Variants in USP15 observed in about 807,000 individuals in gnomAD.
USP15 encodes the protein ubiquitin carboxyl-terminal hydrolase 15.
A neutral mutation model predicts 127.1 loss-of-function variants in USP15; 18 were observed. The ratio of observed to expected loss-of-function variants is 0.14; its 90% CI spans 0.10 to 0.21. The LOEUF is 0.21. Among genes scored for constraint, USP15 ranks in the 10% least tolerant of loss-of-function variants. The pLI is 1.00. For missense variants in USP15, 805 were observed against 1,159.9 expected (o/e 0.69, Z 4.44); for synonymous variants, 364 against 393.7 (o/e 0.92, Z 0.89).
At chr12:62,297,711 G>C (rs959738802) in intron 2 of USP15, among the ~76,000 whole-genome samples, 1 of 152,168 alleles carries the variant, frequency 6.6e-6, no homozygotes, top group African/African-American at 2.4e-5. Flanking sequence ...AAAGCCAGTT[G>C]ATAAAGACTG....
At chr12:62,307,209 C>G (rs147595733) in intron 3 of USP15, among the ~76,000 whole-genome samples, 77 of 152,246 alleles carry the variant, frequency 5.1e-4, no homozygotes, top group African/African-American at 1.8e-3. Context: ...CGCCTTTGAC[C>G]TCCCAAACTC....
intron 14 of USP15, among the ~76,000 whole-genome samples, 179 bp from the exon 15 acceptor site, chr12:62,390,685 G>A (rs923801717): frequency 6.6e-6 from 1 of 151,984 alleles, no homozygotes; most frequent in African/African-American, 2.4e-5. Context: ...ATAAAGATGA[G>A]CAAAACAAAT....
At chr12:62,349,379 C>T in intron 7 of USP15, 72 bp downstream of exon 7, 1 of 1,023,736 alleles carries the variant, frequency 9.8e-7, no homozygotes, top group Non-Finnish European at 1.3e-6. Context: ...TCTCTTGTAT[C>T]TAAAATTTAG....
intron 1 of USP15, among the ~76,000 whole-genome samples, chr12:62,267,613 T>C (rs1023512580): frequency 1.3e-5 from 2 of 152,062 alleles, no homozygotes; most frequent in African/African-American, 4.8e-5. Context: ...ATTCTCCCTT[T>C]AGTTTTGAGA....
At chr12:62,357,271 A>G (rs1735746251) in intron 8 of USP15, among the ~76,000 whole-genome samples, 2 of 152,006 alleles carry the variant, frequency 1.3e-5, no homozygotes, top group African/African-American at 2.4e-5. Flanking sequence ...TCTGTTTAGT[A>G]TTGTCTGCAT....
Position 62,404,249 on chromosome 12 carries a change from C to A in USP15, c.2820C>A (p.Gly940=). The A allele has an allele frequency of 6.2e-7, 1 of 1,613,268 alleles. No individual in the cohort carries two copies. Among genetic ancestry groups the A allele is most frequent in the Non-Finnish European group, 8.5e-7 (1 of 1,179,400 alleles). The stretch of plus-strand genomic sequence containing the variant: ...GACAAGACACTTTCAGTGGAACTGG[C>A]TTTTTTCCTCTTGACCGAGAAACTA... ...YQRQDTFSGT[G]FFPLDRETKG... The change falls in exon 22 of 22, where the codon GGC becomes GGA. Residue 940 remains glycine (G), a synonymous_variant. Coordinates refer to ENST00000280377, the MANE Select transcript of USP15 (RefSeq NM_001252078.2).
At chr12:62,299,210 G>A (rs113312854) in intron 2 of USP15, among the ~76,000 whole-genome samples, 6 of 152,056 alleles carry the variant, frequency 3.9e-5, no homozygotes, top group African/African-American at 1.4e-4. Flanking sequence ...TCCCAGGTTC[G>A]AGCGATTATC....
At chr12:62,281,360 A>G (rs2063642829) in intron 1 of USP15, among the ~76,000 whole-genome samples, 1 of 152,168 alleles carries the variant, frequency 6.6e-6, no homozygotes, top group South Asian at 2.1e-4. Context: ...TTTTTGAGAC[A>G]GAATCTTGCT....
intron 6 of USP15, chr12:62,335,579 A>T (rs1244932705): frequency 9.8e-7 from 1 of 1,020,914 alleles, no homozygotes; most frequent in Non-Finnish European, 1.2e-6. Context: ...AGTGCCACAC[A>T]TATGGTAAAC....
intron 6 of USP15, among the ~76,000 whole-genome samples, chr12:62,341,086 A>C (rs1176642722): frequency 1.3e-5 from 2 of 152,190 alleles, no homozygotes; most frequent in Non-Finnish European, 2.9e-5. Flanking sequence ...TATTTAGGAT[A>C]GTTAGCTCTT....
At chr12:62,367,175 T>A (rs1436472179) in intron 8 of USP15, among the ~76,000 whole-genome samples, 1 of 152,134 alleles carries the variant, frequency 6.6e-6, no homozygotes, top group African/African-American at 2.4e-5. Context: ...GGAATGTTTT[T>A]GGTAGGTAGA....
intron 6 of USP15, among the ~76,000 whole-genome samples, chr12:62,332,688 A>C (rs2065340593): frequency 6.6e-6 from 1 of 152,242 alleles, no homozygotes; most frequent in Non-Finnish European, 1.5e-5. Context: ...GAAAACATCC[A>C]GAGAAAAATG....
chr12:62,296,253 G>T (rs764911838), intron 2 of USP15, among the ~76,000 whole-genome samples: 3 of 152,190 alleles, frequency 2.0e-5, no homozygotes, highest in Non-Finnish European at 4.4e-5. Context: ...CAGCAGGGGT[G>T]ATATCTTGAC....
chr12:62,381,773 C>G (rs1334395565), intron 9 of USP15, 110 bp downstream of exon 9: 2 of 1,033,790 alleles, frequency 1.9e-6, no homozygotes, highest in Non-Finnish European at 2.8e-6. Context: ...TTGTGGCCCT[C>G]CAAAGGAACA....
intron 11 of USP15, among the ~76,000 whole-genome samples, chr12:62,385,911 C>T (rs996593729): frequency 1.3e-5 from 2 of 152,012 alleles, no homozygotes; most frequent in South Asian, 2.1e-4. Context: ...CTCTACAGCA[C>T]ATTTGTTAGA....
intron 7 of USP15, among the ~76,000 whole-genome samples, chr12:62,353,130 T>C (rs2066011040): frequency 6.6e-6 from 1 of 152,022 alleles, no homozygotes; most frequent in Non-Finnish European, 1.5e-5. Flanking sequence ...GCACACATAA[T>C]ATGTGGATTA....
chr12:62,384,868 AC>A (rs2067099405), intron 11 of USP15, among the ~76,000 whole-genome samples: 1 of 151,878 alleles, frequency 6.6e-6, no homozygotes, highest in South Asian at 2.1e-4. Flanking sequence ...GGTAAGTCTT[AC>A]TGTCAAATTG....
chr12:62,345,143 AC>A (rs1459005008), intron 6 of USP15, among the ~76,000 whole-genome samples: 13 of 152,290 alleles, frequency 8.5e-5, no homozygotes, highest in African/African-American at 3.1e-4. Context: ...AAATTCTCCA[AC>A]CTTTTATGCT....
intron 6 of USP15, among the ~76,000 whole-genome samples, chr12:62,337,008 C>T (rs567877684): frequency 6.6e-6 from 1 of 152,252 alleles, no homozygotes; most frequent in South Asian, 2.1e-4. Context: ...GAAATATTCA[C>T]GGAGTTATGC....
Sources: gnomAD v4.1 joint callset for allele counts (sites outside exome capture counted in the v4.1 genomes callset) on GRCh38, gnomAD v4.1.1 for gene constraint, MANE v1.5 for transcripts, NCBI Gene and HGNC (gene_info 2026-07-23, HGNC 2026-07-21) for gene names.